The following SLC25A20 variants were observed in gnomAD, a reference collection of about 807,000 sequenced individuals.
The protein encoded by SLC25A20 is mitochondrial carnitine/acylcarnitine carrier protein.
SLC25A20 carries 29 observed loss-of-function variants against 39.7 expected under a neutral mutation model. The observed-to-expected ratio is 0.73, with a 90% CI of 0.54 to 1.00. The LOEUF is 1.00. Ranked by LOEUF, SLC25A20 falls within the 50% of genes least tolerant of loss-of-function variation. The pLI is 0.00. For synonymous variants in SLC25A20, 103 were observed against 142.2 expected (o/e 0.72, Z 1.96); for missense variants, 333 against 379.9 (o/e 0.88, Z 1.03).
chr3:48,888,185 T>C (rs1273213379), intron 2 of SLC25A20, among the ~76,000 whole-genome samples: 3 of 105,154 alleles, frequency 2.9e-5, no homozygotes, highest in African/African-American at 1.2e-4. Flanking sequence ...CCAGTCTGAG[T>C]GGCAGAACAA....
chr3:48,878,959 CT>C (rs1482913034), intron 4 of SLC25A20, among the ~76,000 whole-genome samples: 1 of 152,006 alleles, frequency 6.6e-6, no homozygotes, highest in Non-Finnish European at 1.5e-5. Flanking sequence ...TGCAACCTGT[CT>C]CCCGGGTTCA....
chr3:48,894,810 G>C (rs970981064), intron 1 of SLC25A20, among the ~76,000 whole-genome samples: 1 of 151,916 alleles, frequency 6.6e-6, no homozygotes, highest in African/African-American at 2.4e-5. Flanking sequence ...TCTTTTTCCT[G>C]AATTTTGTTT....
chr3:48,868,756 C>T (rs1247174853), intron 4 of SLC25A20, among the ~76,000 whole-genome samples: 2 of 152,162 alleles, frequency 1.3e-5, no homozygotes, highest in African/African-American at 2.4e-5. Flanking sequence ...CCCACCCACA[C>T]CAGCAAAGAC....
At chr3:48,868,210 G>T (rs1188701270) in intron 4 of SLC25A20, among the ~76,000 whole-genome samples, 1 of 151,916 alleles carries the variant, frequency 6.6e-6, no homozygotes, top group East Asian at 1.9e-4. Flanking sequence ...AAGGTGGGGG[G>T]TTGAGAAGAG....
intron 4 of SLC25A20, among the ~76,000 whole-genome samples, chr3:48,866,042 G>A (rs921136711): frequency 2.6e-5 from 4 of 151,570 alleles, no homozygotes; most frequent in African/African-American, 9.7e-5. Flanking sequence ...GCTGAGGCAG[G>A]AAAATTGCTT....
In SLC25A20 at chr3:48,893,890, G is replaced by C. The variant is rs560902274; in HGVS notation, c.106-1818C>G. 2.3e-3 allele frequency among the ~76,000 whole-genome samples: 352 copies of C among 150,414 alleles called. 3 individuals carry two copies. Among genetic ancestry groups the C allele is most frequent in the African/African-American group, 8.1e-3 (334 of 41,008 alleles). On this transcript the variant is annotated intron_variant, in intron 1 of 8. Coordinates refer to ENST00000319017, the MANE Select transcript of SLC25A20 (RefSeq NM_000387.6). ...AAAAAAAAAAAGGAGGCCAGGCGCG[G>C]TGGCTCACACCTGTAATCCCAGCAT...
chr3:48,859,558 T>C lies in SLC25A20; in HGVS notation c.605A>G (p.Lys202Arg), dbSNP rs771082085. 8 of 1,613,488 alleles carry C rather than the reference T, an allele frequency of 5.0e-6. No individual in the cohort carries two copies. The highest frequency in any genetic ancestry group is 3.3e-5 in the South Asian group (3 of 91,072). Residue 202 changes from lysine (K) to arginine (R), a missense_variant, in exon 6 of 9, where the codon AAG becomes AGG. Transcript: ENST00000319017. Reference protein sequence around the residue: ...WLKNIFTPEGKRVSELSAPRI... With the variant: ...WLKNIFTPEGRRVSELSAPRI... ...TTCCAAGTTATGTTTTCCTCACCTCTTTCCCTCCGGAGTGAAGATATTTTT... is the reference window on the plus strand; with the variant it reads ...TTCCAAGTTATGTTTTCCTCACCTCCTTCCCTCCGGAGTGAAGATATTTTT...
chr3:48,888,375 G>A (rs1376646505), intron 2 of SLC25A20, among the ~76,000 whole-genome samples: 2 of 149,696 alleles, frequency 1.3e-5, no homozygotes, highest in Admixed American at 6.7e-5. Flanking sequence ...TTTGAGACCA[G>A]CTTGGCCAAC....
At chr3:48,864,935 C>T (rs1335000757) in intron 4 of SLC25A20, among the ~76,000 whole-genome samples, 2 of 152,048 alleles carry the variant, frequency 1.3e-5, no homozygotes, top group African/African-American at 4.8e-5. Context: ...TTTAAGAGGA[C>T]TCCTGGGCTA....
chr3:48,887,879 G>A (rs1337829154), intron 2 of SLC25A20, among the ~76,000 whole-genome samples: 2 of 151,174 alleles, frequency 1.3e-5, no homozygotes, highest in Non-Finnish European at 1.5e-5. Context: ...CTCCAACCTG[G>A]GTGACAGAAT....
intron 2 of SLC25A20, among the ~76,000 whole-genome samples, chr3:48,888,078 G>A (rs370154784): frequency 1.3e-5 from 2 of 150,290 alleles, no homozygotes; most frequent in African/African-American, 4.9e-5. Flanking sequence ...ATTGTGGCAG[G>A]TGCCTGTAAT....
At chr3:48,879,847 G>C (rs1476042238) in intron 3 of SLC25A20, among the ~76,000 whole-genome samples, 2 of 152,116 alleles carry the variant, frequency 1.3e-5, no homozygotes, top group African/African-American at 4.8e-5. Context: ...TGGGGTTTTT[G>C]TGGGGGAAGT....
At chr3:48,873,382 G>A (rs924068914) in intron 4 of SLC25A20, among the ~76,000 whole-genome samples, 1 of 151,924 alleles carries the variant, frequency 6.6e-6, no homozygotes, top group African/African-American at 2.4e-5. Context: ...AGGCCAAGGA[G>A]GGGGGATCAC....
intron 2 of SLC25A20, among the ~76,000 whole-genome samples, chr3:48,887,448 T>C (rs1453130559): frequency 6.6e-6 from 1 of 152,142 alleles, no homozygotes; most frequent in Non-Finnish European, 1.5e-5. Context: ...TGCCCACCCC[T>C]AGGCAGGTGT....
At chr3:48,879,053 T>G (rs550550101) in intron 4 of SLC25A20, among the ~76,000 whole-genome samples, 1 of 151,984 alleles carries the variant, frequency 6.6e-6, no homozygotes, top group Non-Finnish European at 1.5e-5. Context: ...GTATTTTTAG[T>G]AGAGACGGGG....
Position 48,858,507 on chromosome 3 carries a change from C to A in SLC25A20, c.843G>T (p.Ala281=), listed in dbSNP as rs141742666. 1.2e-6 allele frequency: 2 copies of A among 1,614,192 alleles called. No individual in the cohort carries two copies. Among genetic ancestry groups the A allele is most frequent in the East Asian group, 4.5e-5 (2 of 44,886 alleles). ...AVMIRAFPAN[A]ACFLGFEVAM... is the part of the protein sequence containing the mutation. ...AAGCACAGCCCTGCCAGCTACTCAC[C>A]GCATTGGCTGGGAAGGCTCGGATCA... Residue 281 remains alanine, a splice_region_variant and synonymous_variant, in exon 8 of 9, where the codon GCG becomes GCT. Coordinates refer to ENST00000319017, the MANE Select transcript of SLC25A20 (RefSeq NM_000387.6).
At chr3:48,883,927 GTTTC>G (rs1319092582) in intron 3 of SLC25A20, 66 bp downstream of exon 3, 3 of 1,592,102 alleles carry the variant, frequency 1.9e-6, no homozygotes, top group Admixed American at 1.7e-5. Context: ...CCCTGCCCAA[GTTTC>G]TTTATTTTAA....
Position 48,891,966 on chromosome 3 carries a change from C to T in SLC25A20, c.198+14G>A, listed in dbSNP as rs769445784. 3 of 1,590,568 alleles carry T rather than the reference C, an allele frequency of 1.9e-6. No individual in the cohort carries two copies. The highest frequency in any genetic ancestry group is 1.7e-6 in the Non-Finnish European group (2 of 1,158,642). ...TGTTCTGAGTAAGAGGAATGCCCAG[C>T]ACCATATACCAACCTCTCTAAAAAG... On this transcript the variant is annotated intron_variant, in intron 2 of 8. Coordinates refer to ENST00000319017, the MANE Select transcript of SLC25A20 (RefSeq NM_000387.6).
rs1429229564 is a variant in SLC25A20, at chr3:48,859,159, G to GC, written c.650dup (p.Ile218HisfsTer30). On this transcript the variant is annotated frameshift_variant, in exon 7 of 9. Transcript: ENST00000319017. LOFTEE classifies it high-confidence loss of function. ...CAGCCCAGTTGAAGATCCCTGCAAT[G>GC]CCCCCAGCCACCAAGATCCGAGGGG... 1 of 1,613,882 alleles carries GC rather than the reference G, an allele frequency of 6.2e-7. No individual in the cohort carries two copies. Among genetic ancestry groups the GC allele is most frequent in the Non-Finnish European group, 8.5e-7 (1 of 1,179,986 alleles).
Sources: gnomAD v4.1 joint callset for allele counts (sites outside exome capture counted in the v4.1 genomes callset) on GRCh38, gnomAD v4.1.1 for gene constraint, MANE v1.5 for transcripts, NCBI Gene and HGNC (gene_info 2026-07-23, HGNC 2026-07-21) for gene names.